KCTD18: variants seen among roughly 807,000 people sequenced by gnomAD.
KCTD18 encodes the protein BTB/POZ domain-containing protein KCTD18.
Under a neutral mutation model 30.4 loss-of-function variants are expected in KCTD18, and 22 were observed. The ratio of observed to expected loss-of-function variants is 0.72; its 90% CI spans 0.52 to 1.03. KCTD18 has a LOEUF of 1.03. KCTD18 is among the 50% of genes least tolerant of loss of function. The pLI, the probability that KCTD18 is intolerant of heterozygous loss-of-function variation, is 0.00. For missense variants in KCTD18, 529 were observed against 547.6 expected (o/e 0.97, Z 0.34); for synonymous variants, 186 against 209.0 (o/e 0.89, Z 0.95).
chr2:200,504,509 C>T (rs972137949), intron 3 of KCTD18, among the ~76,000 whole-genome samples: 4 of 150,364 alleles, frequency 2.7e-5, no homozygotes, highest in Non-Finnish European at 5.9e-5. Flanking sequence ...GTAAAAAAGC[C>T]GTCAAAAAGT....
intron 5 of KCTD18, among the ~76,000 whole-genome samples, chr2:200,495,655 A>T: frequency 6.6e-6 from 1 of 151,988 alleles, no homozygotes; most frequent in East Asian, 1.9e-4. Context: ...ATGAAGCTGA[A>T]CCGCCTGCCA....
In KCTD18 at chr2:200,499,032, A is replaced by C. The variant is rs750812098; in HGVS notation, c.425T>G (p.Val142Gly). ...SYGLVCNKPT[V>G]WVLHYLNTSG... is the part of the protein sequence containing the mutation. ...TGTGTTAAGATAGTGGAGAACCCAA[A>C]CTGTTGGTTTATTGCAGACTAAGCC... Residue 142 changes from valine (V) to glycine (G), a missense_variant, in exon 4 of 7, where the codon GTT (valine) becomes GGT (glycine). Coordinates refer to ENST00000359878, the MANE Select transcript of KCTD18 (RefSeq NM_152387.4). 1 of 1,614,036 alleles carries C rather than the reference A, an allele frequency of 6.2e-7. No individual in the cohort carries two copies. Among genetic ancestry groups the C allele is most frequent in the Non-Finnish European group, 8.5e-7 (1 of 1,179,954 alleles).
Position 200,491,885 on chromosome 2 carries a change from C to T in KCTD18, c.765-1269G>A, listed in dbSNP as rs182722577. 3.0e-4 allele frequency among the ~76,000 whole-genome samples: 46 copies of T among 152,264 alleles called. No individual in the cohort carries two copies. The East Asian group carries it at 3.1e-3, about 10-fold the overall frequency. On this transcript the variant is annotated intron_variant, in intron 6 of 6. Transcript: ENST00000359878. ...ATTCTTGGAAATGGGATCATAATAA[C>T]GTGGTTATTTGAAAATTGCCATCTG...
At position 200,493,184 on chromosome 2, in the gene KCTD18, G is replaced by T; in HGVS notation, c.752C>A (p.Pro251Gln). Residue 251 changes from proline (P) to glutamine (Q), a missense_variant, in exon 6 of 7, where the codon CCA becomes CAA. By Grantham distance (76) the Pro-to-Gln change is moderately conservative. Coordinates refer to ENST00000359878, the MANE Select transcript of KCTD18 (RefSeq NM_152387.4). ...PLLGSLRHMAPIRKRRLITFN... is the reference protein window; with the variant it reads ...PLLGSLRHMAQIRKRRLITFN... ...CAGCATAGATAACCTCTTTCGAATT[G>T]GAGCCATGTGACGCAGGCTTCCAAG... is the stretch of plus-strand genomic sequence containing the variant. 1 of 1,605,810 alleles carries T rather than the reference G, an allele frequency of 6.2e-7. No individual in the cohort carries two copies. Among genetic ancestry groups the T allele is most frequent in the Non-Finnish European group, 8.5e-7 (1 of 1,172,550 alleles).
chr2:200,506,068 C>T (rs553701305), intron 2 of KCTD18, among the ~76,000 whole-genome samples: 22 of 152,106 alleles, frequency 1.4e-4, no homozygotes, highest in Non-Finnish European at 3.1e-4. Context: ...TTTCAACTGC[C>T]ATTTAACCAG....
At position 200,498,831 on chromosome 2, in the gene KCTD18, A is replaced by G. The variant is rs537987890; in HGVS notation, c.566+60T>C. On this transcript the variant is annotated intron_variant, in intron 4 of 6. Coordinates refer to ENST00000359878, the MANE Select transcript of KCTD18 (RefSeq NM_152387.4). ...AGTCAAGCACATTTCATTCAGAAAC[A>G]CCTCTTAAAAGAGACCAAGACTTTA... is the stretch of plus-strand genomic sequence containing the variant. 6.7e-5 allele frequency: 96 copies of G among 1,436,384 alleles called. No homozygotes were observed. In the African/African-American group the frequency reaches 1.3e-3, roughly 19 times the overall value. 89.0% of individuals were successfully genotyped at this position (1,436,384 alleles called of 1,614,324 possible).
intron 6 of KCTD18, 136 bp downstream of exon 6, chr2:200,493,036 G>T: frequency 6.7e-6 from 4 of 601,152 alleles, no homozygotes; most frequent in Non-Finnish European, 1.2e-5. Context: ...TATTTTGATG[G>T]TAAGACAGAA....
At chr2:200,499,293 A>T (rs1279114921) in intron 3 of KCTD18, among the ~76,000 whole-genome samples, 2 of 152,162 alleles carry the variant, frequency 1.3e-5, no homozygotes, top group African/African-American at 4.8e-5. Flanking sequence ...AATCACAAAA[A>T]ATACCCCCCA....
chr2:200,501,199 T>C (rs1017149429), intron 3 of KCTD18, among the ~76,000 whole-genome samples: 2 of 151,586 alleles, frequency 1.3e-5, no homozygotes, highest in Non-Finnish European at 2.9e-5. Context: ...AAAACCTAGG[T>C]ATTACCATTC....
At position 200,506,670 on chromosome 2, in the gene KCTD18, A is replaced by T. The variant is rs143155908; in HGVS notation, c.160+187T>A. ...TCTTACTTCTTTGTCAACTTTTAAC[A>T]TTATCACAGATTTTCAGAAGTAGTA... is the stretch of plus-strand genomic sequence containing the variant. On this transcript the variant is annotated intron_variant, in intron 2 of 6. Coordinates refer to ENST00000359878, the MANE Select transcript of KCTD18 (RefSeq NM_152387.4). Among the ~76,000 whole-genome samples the T allele has an allele frequency of 2.6e-5, 4 of 152,374 alleles. No homozygotes were observed. In the East Asian group the frequency reaches 7.7e-4, roughly 29 times the overall value.
intron 5 of KCTD18, among the ~76,000 whole-genome samples, chr2:200,495,126 T>A (rs538003999): frequency 1.3e-5 from 2 of 152,284 alleles, no homozygotes; most frequent in African/African-American, 4.8e-5. Flanking sequence ...TATAAGGGAA[T>A]CAAAGTCACT....
At chr2:200,498,158 T>A (rs1369205839) in intron 4 of KCTD18, among the ~76,000 whole-genome samples, 2 of 152,200 alleles carry the variant, frequency 1.3e-5, no homozygotes, top group African/African-American at 4.8e-5. Flanking sequence ...CGAACTCCAA[T>A]GAACTTAGAA....
At chr2:200,497,929 T>A (rs1283524285) in intron 4 of KCTD18, 82 bp from the exon 5 acceptor site, 2 of 950,960 alleles carry the variant, frequency 2.1e-6, no homozygotes, top group Non-Finnish European at 3.3e-6. Flanking sequence ...ATACATTTAA[T>A]AAGAGCTTGT....
rs767635791 is a variant in KCTD18, at chr2:200,490,384, C to T, written c.997G>A (p.Ala333Thr). Residue 333 changes from alanine to threonine, a missense_variant, in exon 7 of 7, where the codon GCC becomes ACC. Transcript: ENST00000359878. ...AQRSAPSRATALVGTGAPGHP... is the reference protein window; with the variant it reads ...AQRSAPSRATTLVGTGAPGHP... ...CCAGGTGCCCCCGTGCCCACCAGGGCCGTGGCTCTGGAAGGTGCAGAGCGC... is the reference window on the plus strand; with the variant it reads ...CCAGGTGCCCCCGTGCCCACCAGGGTCGTGGCTCTGGAAGGTGCAGAGCGC... The T allele has an allele frequency of 9.3e-6, 15 of 1,614,170 alleles. No homozygotes were observed. In the Middle Eastern group the frequency reaches 6.6e-4, roughly 71 times the overall value.
At position 200,489,986 on chromosome 2, in the gene KCTD18, C is replaced by T; in HGVS notation, c.*114G>A. 8.9e-7 allele frequency: 1 copy of T among 1,125,830 alleles called. No homozygotes were observed. Among genetic ancestry groups the T allele is most frequent in the Non-Finnish European group, 1.2e-6 (1 of 818,748 alleles). The allele number at this position is 1,125,830 out of a possible 1,614,324, so 69.7% of individuals were successfully genotyped here. A position where few individuals can be genotyped will look rare whatever the true frequency, so the allele number is the denominator to read the frequency against. On this transcript the variant is annotated 3_prime_UTR_variant, in exon 7 of 7. Coordinates refer to ENST00000359878, the MANE Select transcript of KCTD18 (RefSeq NM_152387.4). ...CTCACACAATTCCAGGAACAGAATC[C>T]TCAACATAAACCTAAGCTTCCCCTC...
At chr2:200,493,126 C>T in intron 6 of KCTD18, 46 bp downstream of exon 6, 1 of 1,100,880 alleles carries the variant, frequency 9.1e-7, no homozygotes, top group Non-Finnish European at 1.4e-6. Flanking sequence ...GTAAAAATGT[C>T]AGCGATTAAA....
chr2:200,498,079 T>G (rs2088024479), intron 4 of KCTD18, among the ~76,000 whole-genome samples: 1 of 152,216 alleles, frequency 6.6e-6, no homozygotes, highest in Admixed American at 6.5e-5. Flanking sequence ...AGTATTTTAT[T>G]AATTCCACAA....
At position 200,490,461 on chromosome 2, in the gene KCTD18, G is replaced by C. The variant is rs964181885; in HGVS notation, c.920C>G (p.Ala307Gly). 8.1e-6 allele frequency: 13 copies of C among 1,613,516 alleles called. No homozygotes were observed. Among genetic ancestry groups the C allele is most frequent in the African/African-American group, 2.7e-5 (2 of 74,934 alleles). ...VSPASAIQTS[A>G]GATANRFQSG... ...TTGAAACCGGTTTGCTGTCGCCCCA[G>C]CCGACGTCTGGATGGCACTGGCTGG... The change falls in exon 7 of 7, where the codon GCT (alanine) becomes GGT (glycine). Residue 307 changes from alanine to glycine, a missense_variant. Ala to Gly is a moderately conservative substitution (Grantham distance 60). Transcript: ENST00000359878.
At chr2:200,493,409 A>AC in intron 5 of KCTD18, 135 bp from the exon 6 acceptor site, 1 of 628,186 alleles carries the variant, frequency 1.6e-6, no homozygotes, top group Non-Finnish European at 2.9e-6. Context: ...CACAACATGA[A>AC]CAGGAAGCGC....
Sources: gnomAD v4.1 joint callset for allele counts (sites outside exome capture counted in the v4.1 genomes callset) on GRCh38, gnomAD v4.1.1 for gene constraint, MANE v1.5 for transcripts, NCBI Gene and HGNC (gene_info 2026-07-23, HGNC 2026-07-21) for gene names.